The following SORCS3 variants were observed in gnomAD, a reference collection of about 807,000 sequenced individuals.
SORCS3 encodes the protein sortilin related VPS10 domain containing receptor 3, also known as VPS10 domain-containing receptor SorCS3.
In SORCS3, 57 loss-of-function variants were observed where a neutral mutation model predicts 146.3. The observed-to-expected ratio is 0.39, with a 90% CI of 0.31 to 0.49. SORCS3 has a LOEUF of 0.49. Ranked by LOEUF, SORCS3 falls within the 20% of genes least tolerant of loss-of-function variation. The pLI is 0.92. For missense variants in SORCS3, 1,341 were observed against 1,575.5 expected (o/e 0.85, Z 2.52); for synonymous variants, 653 against 618.5 (o/e 1.06, Z -0.83).
At chr10:105,251,334 T>C (rs1347827777) in intron 22 of SORCS3, among the ~76,000 whole-genome samples, 1 of 152,098 alleles carries the variant, frequency 6.6e-6, no homozygotes, top group Non-Finnish European at 1.5e-5. Flanking sequence ...ACCCCCAGGA[T>C]TCGATCACCT....
chr10:104,643,510 C>T (rs1260192867), intron 1 of SORCS3, among the ~76,000 whole-genome samples: 1 of 152,264 alleles, frequency 6.6e-6, no homozygotes. Context: ...GGATGAAGAC[C>T]CCCGTAGCCT....
chr10:105,159,501 C>T (rs1321332303), intron 11 of SORCS3, among the ~76,000 whole-genome samples: 1 of 152,152 alleles, frequency 6.6e-6, no homozygotes, highest in Non-Finnish European at 1.5e-5. Flanking sequence ...CTTAAGGTTG[C>T]ATTGTTGGAA....
intron 4 of SORCS3, among the ~76,000 whole-genome samples, chr10:105,022,766 A>C (rs2055205612): frequency 6.6e-6 from 1 of 152,154 alleles, no homozygotes; most frequent in African/African-American, 2.4e-5. Context: ...TATACCCAGT[A>C]AGCCCAAAAT....
chr10:105,210,474 A>G (rs911765216), intron 16 of SORCS3, among the ~76,000 whole-genome samples: 1 of 152,190 alleles, frequency 6.6e-6, no homozygotes, highest in Non-Finnish European at 1.5e-5. Context: ...TCCAAGAAGT[A>G]GGGAAGCACT....
chr10:104,849,950 C>T (rs1053529518), intron 2 of SORCS3, among the ~76,000 whole-genome samples: 1 of 152,186 alleles, frequency 6.6e-6, no homozygotes, highest in African/African-American at 2.4e-5. Context: ...TGAAAGTTAA[C>T]GTATTTCTTG....
chr10:104,688,805 T>C (rs1289954889), intron 1 of SORCS3, among the ~76,000 whole-genome samples: 1 of 152,204 alleles, frequency 6.6e-6, no homozygotes, highest in Non-Finnish European at 1.5e-5. Flanking sequence ...TCCCTCCACG[T>C]GCCAACTCCC....
chr10:105,043,147 C>G lies in SORCS3; in HGVS notation c.1028+19C>G. ...TTTATTGGTAAGCCCTATCCACACA[C>G]TCATTACTTCTTAGATAAAGAATTA... On this transcript the variant is annotated intron_variant, in intron 5 of 26. Transcript: ENST00000369701. 6.2e-7 allele frequency: 1 copy of G among 1,602,876 alleles called. No homozygotes were observed. The highest frequency in any genetic ancestry group is 8.5e-7 in the Non-Finnish European group (1 of 1,169,862).
chr10:105,013,836 C>A (rs11192275), intron 4 of SORCS3, among the ~76,000 whole-genome samples: 38,310 of 151,716 alleles, frequency 0.25, 5,638 homozygotes, highest in African/African-American at 0.41. Flanking sequence ...TTCTAATGCA[C>A]AGAAAATAGC....
At chr10:105,170,110 A>G (rs918385611) in intron 13 of SORCS3, among the ~76,000 whole-genome samples, 1 of 152,150 alleles carries the variant, frequency 6.6e-6, no homozygotes, top group African/African-American at 2.4e-5. Context: ...AGAGAAGAGC[A>G]TATTTGACAT....
intron 3 of SORCS3, among the ~76,000 whole-genome samples, chr10:104,963,010 C>T (rs2054805028): frequency 6.6e-6 from 1 of 152,320 alleles, no homozygotes; most frequent in African/African-American, 2.4e-5. Context: ...TATTTGAATT[C>T]ATTTTAATGG....
At chr10:104,829,064 A>G (rs369067300) in intron 1 of SORCS3, among the ~76,000 whole-genome samples, 51 of 152,342 alleles carry the variant, frequency 3.3e-4, no homozygotes, top group African/African-American at 1.0e-3. Context: ...GCTCAGATTC[A>G]TCGTCTCCTC....
chr10:104,837,165 T>C (rs1302981602), intron 1 of SORCS3, among the ~76,000 whole-genome samples: 1 of 152,120 alleles, frequency 6.6e-6, no homozygotes, highest in African/African-American at 2.4e-5. Flanking sequence ...TGCTTGGTGG[T>C]GGGAATACAG....
intron 7 of SORCS3, among the ~76,000 whole-genome samples, chr10:105,131,591 G>C (rs1023501130): frequency 6.6e-6 from 1 of 152,150 alleles, no homozygotes; most frequent in Non-Finnish European, 1.5e-5. Flanking sequence ...GGGTGCATTA[G>C]TCTGTTCTTG....
intron 4 of SORCS3, among the ~76,000 whole-genome samples, chr10:104,986,457 G>A (rs539957120): frequency 6.6e-6 from 1 of 152,120 alleles, no homozygotes; most frequent in African/African-American, 2.4e-5. Flanking sequence ...CTTATCATTT[G>A]TGTGTTCACT....
At chr10:104,730,228 C>T (rs73336117) in intron 1 of SORCS3, among the ~76,000 whole-genome samples, 2 of 152,192 alleles carry the variant, frequency 1.3e-5, no homozygotes, top group Admixed American at 1.3e-4. Flanking sequence ...ATTTACCTTT[C>T]TGAATAGTCC....
intron 1 of SORCS3, among the ~76,000 whole-genome samples, chr10:104,653,693 A>G (rs1450827771): frequency 6.6e-6 from 1 of 152,212 alleles, no homozygotes; most frequent in Admixed American, 6.5e-5. Flanking sequence ...TAGTAGGCGT[A>G]TATATTTATG....
chr10:104,726,400 C>T (rs1015432264), intron 1 of SORCS3, among the ~76,000 whole-genome samples: 3 of 152,130 alleles, frequency 2.0e-5, no homozygotes, highest in East Asian at 1.9e-4. Flanking sequence ...GAACTAAACT[C>T]GTGCTAATTT....
intron 1 of SORCS3, among the ~76,000 whole-genome samples, chr10:104,771,683 T>C (rs1346617247): frequency 1.3e-5 from 2 of 151,950 alleles, no homozygotes; most frequent in Non-Finnish European, 2.9e-5. Context: ...GGGTGCAAAG[T>C]TTGGTACAAG....
chr10:105,096,103 TACAC>T (rs60438282), intron 6 of SORCS3, among the ~76,000 whole-genome samples: 113 of 145,300 alleles, frequency 7.8e-4, no homozygotes, highest in East Asian at 1.8e-3. Context: ...ACCTCACAAA[TACAC>T]ACACACACAC....
Sources: gnomAD v4.1 joint callset for allele counts (sites outside exome capture counted in the v4.1 genomes callset) on GRCh38, gnomAD v4.1.1 for gene constraint, MANE v1.5 for transcripts, NCBI Gene and HGNC (gene_info 2026-07-23, HGNC 2026-07-21) for gene names.